Variants in POGZ observed in about 807,000 individuals in gnomAD.
The protein encoded by POGZ is pogo transposable element derived with ZNF domain, also known as pogo transposable element with ZNF domain.
A neutral mutation model predicts 134.6 loss-of-function variants in POGZ; 17 were observed. That is an observed-to-expected ratio of 0.13 (90% CI 0.09 to 0.19). POGZ has a LOEUF of 0.19. Ranked by LOEUF, POGZ falls within the 10% of genes least tolerant of loss-of-function variation. POGZ has a pLI of 1.00. For synonymous variants in POGZ, 693 were observed against 657.1 expected, an observed-to-expected ratio of 1.05 and a Z score of -0.84; for missense variants, 1,306 against 1,769.7, an observed-to-expected ratio of 0.74 and a Z score of 4.70.
chr1:151,442,563 TA>T (rs1334707735), intron 1 of POGZ: 1 of 161,216 alleles, frequency 6.2e-6, no homozygotes, highest in Non-Finnish European at 1.3e-5. Context: ...ATACAAAAAT[TA>T]GCCAGGCGTG....
rs1321047299 is a variant in POGZ, at chr1:151,403,703, G to A, written c.*1099C>T. On this transcript the variant is annotated 3_prime_UTR_variant, in exon 19 of 19. Transcript: ENST00000271715. ...TCTTCCCTAAGTATTAAGAGAAATAGGGGAAAGCCACAGAGCACGCTGGAT... is the reference window on the plus strand; with the variant it reads ...TCTTCCCTAAGTATTAAGAGAAATAAGGGAAAGCCACAGAGCACGCTGGAT... 3.0e-6 allele frequency: 3 copies of A among 985,738 alleles called. No homozygotes were observed. The highest frequency in any genetic ancestry group is 6.1e-5 in the Admixed American group (1 of 16,272). The allele number at this position is 985,738 out of a possible 1,614,324, so 61.1% of individuals were successfully genotyped here.
intron 9 of POGZ, 143 bp from the exon 10 acceptor site, chr1:151,423,694 C>T: frequency 4.1e-6 from 3 of 724,132 alleles, no homozygotes; most frequent in Non-Finnish European, 6.7e-6. Flanking sequence ...TTTTCTGAGC[C>T]CAGAAAGATA....
intron 1 of POGZ, among the ~76,000 whole-genome samples, chr1:151,454,723 CATTTCTATGCTTTCAATTTCTTTTA>C (rs2102432686): frequency 6.6e-6 from 1 of 152,312 alleles, no homozygotes; most frequent in South Asian, 2.1e-4. Context: ...GCCTAAATTC[CATTTCTATGCTTTCAATTTCTTTTA>C]ACTCTGCTAA....
At chr1:151,418,533 T>C in intron 10 of POGZ, among the ~76,000 whole-genome samples, 1 of 152,186 alleles carries the variant, frequency 6.6e-6, no homozygotes, top group East Asian at 1.9e-4. Context: ...GTAGGGTGAC[T>C]ATAGTTTACA....
At chr1:151,430,625 TTCTC>T (rs750749866) in intron 4 of POGZ, 37 bp downstream of exon 4, 1 of 1,518,646 alleles carries the variant, frequency 6.6e-7, no homozygotes, top group Admixed American at 1.8e-5. Context: ...TTTATAGTCT[TTCTC>T]TCCTCTAGCA....
chr1:151,409,492 C>T (rs561829632), intron 12 of POGZ, among the ~76,000 whole-genome samples: 106 of 152,260 alleles, frequency 7.0e-4, no homozygotes, highest in Non-Finnish European at 1.1e-3. Context: ...CGTGCCACCA[C>T]GCCCGGCTAC....
chr1:151,449,477 A>G (rs1661739787), intron 1 of POGZ, among the ~76,000 whole-genome samples: 1 of 152,186 alleles, frequency 6.6e-6, no homozygotes, highest in Non-Finnish European at 1.5e-5. Flanking sequence ...TCCGACCCTA[A>G]ATGTCAATAG....
At chr1:151,421,805 T>A (rs763319869) in intron 10 of POGZ, among the ~76,000 whole-genome samples, 3 of 152,216 alleles carry the variant, frequency 2.0e-5, no homozygotes, top group Non-Finnish European at 4.4e-5. Context: ...CAGGCTGGAG[T>A]GCAGTGGTGC....
chr1:151,425,083 G>A (rs200168389), intron 7 of POGZ, 22 bp from the exon 8 acceptor site: 31 of 1,226,882 alleles, frequency 2.5e-5, no homozygotes, highest in Admixed American at 1.1e-4. Flanking sequence ...GAGAAGAATT[G>A]ATAAGATTAA....
At chr1:151,452,569 T>TA (rs1662259499) in intron 1 of POGZ, among the ~76,000 whole-genome samples, 3 of 152,002 alleles carry the variant, frequency 2.0e-5, no homozygotes, top group Admixed American at 6.6e-5. Flanking sequence ...GCCAAAACAT[T>TA]AAAAATCATC....
At chr1:151,450,301 G>A (rs1661888580) in intron 1 of POGZ, among the ~76,000 whole-genome samples, 1 of 151,958 alleles carries the variant, frequency 6.6e-6, no homozygotes, top group African/African-American at 2.4e-5. Flanking sequence ...CCAAAGTGCT[G>A]GGATTACAAG....
At chr1:151,415,929 C>T (rs1018827227) in intron 10 of POGZ, among the ~76,000 whole-genome samples, 1 of 151,572 alleles carries the variant, frequency 6.6e-6, no homozygotes, top group African/African-American at 2.4e-5. Flanking sequence ...GACTATGAAT[C>T]AGGGCCGGGT....
intron 4 of POGZ, among the ~76,000 whole-genome samples, chr1:151,430,125 A>G (rs1417891852): frequency 6.6e-6 from 1 of 152,194 alleles, no homozygotes; most frequent in Non-Finnish European, 1.5e-5. Flanking sequence ...TTCAAAGGCC[A>G]TAAACCTTTG....
Position 151,428,209 on chromosome 1 carries a change from G to A in POGZ, c.773C>T (p.Thr258Ile). Residue 258 changes from threonine to isoleucine, a missense_variant, in exon 6 of 19, where the codon ACT becomes ATT. By Grantham distance (89) the Thr-to-Ile change is moderately conservative. Coordinates refer to ENST00000271715, the MANE Select transcript of POGZ (RefSeq NM_015100.4). ...QTKSTPSTST[T>I]PTATQPTSLG... ...TGAGGTTGGCTGTGTGGCAGTGGGA[G>A]TGGTAGAAGTGCTGGGAGTGGACTT... 6.2e-7 allele frequency: 1 copy of A among 1,614,148 alleles called. No homozygotes were observed. The highest frequency in any genetic ancestry group is 8.5e-7 in the Non-Finnish European group (1 of 1,179,994).
rs374952629 is a variant in POGZ at position 151,406,912 on chromosome 1, C to G, written c.2544G>C (p.Arg848=). The change falls in exon 17 of 19, where the codon CGG becomes CGC. Residue 848 remains arginine (R), a splice_region_variant and synonymous_variant. Transcript: ENST00000271715. The part of the protein sequence containing the change: ...PSHRSSSILP[R]GLTWIAHSRH... ...CTAATCCCCTTCTCTCCTACTTACCCCGTGGCAGGATGCTGCTGGATCTGT... is the reference window on the plus strand; with the variant it reads ...CTAATCCCCTTCTCTCCTACTTACCGCGTGGCAGGATGCTGCTGGATCTGT... 1.2e-6 allele frequency: 2 copies of G among 1,609,670 alleles called. No homozygotes were observed. The highest frequency in any genetic ancestry group is 2.2e-5 in the East Asian group (1 of 44,886).
intron 16 of POGZ, 75 bp from the exon 17 acceptor site, chr1:151,407,098 G>A (rs1653785589): frequency 7.9e-7 from 1 of 1,271,706 alleles, no homozygotes; most frequent in East Asian, 2.4e-5. Flanking sequence ...TGAGGCTTAA[G>A]AAAGAAAAGG....
intron 10 of POGZ, among the ~76,000 whole-genome samples, chr1:151,419,146 G>C (rs960984099): frequency 1.3e-5 from 2 of 151,974 alleles, no homozygotes; most frequent in East Asian, 3.8e-4. Context: ...TTAAGGCCAG[G>C]AGTTTGAGAC....
At chr1:151,452,489 T>C (rs887020615) in intron 1 of POGZ, among the ~76,000 whole-genome samples, 2 of 151,934 alleles carry the variant, frequency 1.3e-5, no homozygotes, top group Admixed American at 1.3e-4. Context: ...TAGTTGTCAC[T>C]ACAGGTGGGC....
In POGZ at chr1:151,404,097, T is replaced by G; in HGVS notation, c.*705A>C. 1.0e-6 allele frequency: 1 copy of G among 985,530 alleles called. No homozygotes were observed. Among genetic ancestry groups the G allele is most frequent in the Non-Finnish European group, 1.2e-6 (1 of 829,902 alleles). 61.0% of individuals were successfully genotyped at this position (985,530 alleles called of 1,614,324 possible). A position where few individuals can be genotyped will look rare whatever the true frequency, so the allele number is the denominator to read the frequency against. ...AGACAAATCTATTCATTCTGGATAA[T>G]TAAAGGTGGTTTCATGCATTTTTAA... On this transcript the variant is annotated 3_prime_UTR_variant, in exon 19 of 19. Coordinates refer to ENST00000271715, the MANE Select transcript of POGZ (RefSeq NM_015100.4).
Sources: gnomAD v4.1 joint callset for allele counts (sites outside exome capture counted in the v4.1 genomes callset) on GRCh38, gnomAD v4.1.1 for gene constraint, MANE v1.5 for transcripts, NCBI Gene and HGNC (gene_info 2026-07-23, HGNC 2026-07-21) for gene names.